ZNF462: variants seen among roughly 807,000 people sequenced by gnomAD.
The protein encoded by ZNF462 is zinc finger PBX1-interacting protein.
In ZNF462, 10 loss-of-function variants were observed where a neutral mutation model predicts 201.9. The observed-to-expected ratio is 0.05, with a 90% CI of 0.03 to 0.08. The LOEUF is 0.08. Ranked by LOEUF, ZNF462 falls within the 10% of genes least tolerant of loss-of-function variation. The pLI is 1.00. For synonymous variants in ZNF462, 1,227 were observed against 1,193.3 expected (o/e 1.03, Z -0.58); for missense variants, 2,523 against 3,168.3 (o/e 0.80, Z 4.89).
chr9:106,955,650 C>T (rs958683511), intron 7 of ZNF462, among the ~76,000 whole-genome samples: 10 of 152,182 alleles, frequency 6.6e-5, no homozygotes, highest in African/African-American at 2.4e-4. Flanking sequence ...ATTTTACCCA[C>T]AGTAGAACTT....
chr9:106,873,750 G>A (rs1324996846), intron 1 of ZNF462, among the ~76,000 whole-genome samples: 1 of 152,170 alleles, frequency 6.6e-6, no homozygotes, highest in Admixed American at 6.5e-5. Flanking sequence ...GAGCACAAAT[G>A]TCCCTAATAG....
chr9:106,937,974 A>G (rs1564118076), intron 6 of ZNF462, among the ~76,000 whole-genome samples: 2 of 152,192 alleles, frequency 1.3e-5, no homozygotes, highest in African/African-American at 2.4e-5. Flanking sequence ...TTCTAAGTCT[A>G]TTGTTCTTAA....
intron 10 of ZNF462, among the ~76,000 whole-genome samples, chr9:106,999,510 AAT>A (rs1263790730): frequency 6.6e-6 from 1 of 152,196 alleles, no homozygotes; most frequent in Non-Finnish European, 1.5e-5. Context: ...TACGGGAATG[AAT>A]AGTCAAGTAA....
chr9:106,879,175 C>T (rs1303508689), intron 1 of ZNF462, among the ~76,000 whole-genome samples: 3 of 152,110 alleles, frequency 2.0e-5, no homozygotes, highest in African/African-American at 4.8e-5. Flanking sequence ...CTGTTACCAC[C>T]GCTGTGACGC....
intron 1 of ZNF462, among the ~76,000 whole-genome samples, chr9:106,908,902 CATATATACATATATAT>C (rs1321438202): frequency 1.3e-3 from 103 of 77,198 alleles, no homozygotes; most frequent in South Asian, 4.8e-3. Context: ...AATATTTGCC[CATATATACATATATAT>C]ATATATATAT....
intron 1 of ZNF462, among the ~76,000 whole-genome samples, chr9:106,864,092 CTCTCTCT>C (rs1827203940): frequency 7.6e-6 from 1 of 131,104 alleles, no homozygotes; most frequent in East Asian, 2.2e-4. Flanking sequence ...CTCTCTCTCT[CTCTCTCT>C]CTCTCTCTCT....
At position 107,012,100 on chromosome 9, in the gene ZNF462, ACTTT is replaced by A. The variant is rs1229503804; in HGVS notation, c.*1075_*1078del. 2 of 131,762 alleles carry A rather than the reference ACTTT, an allele frequency of 1.5e-5. No individual in the cohort carries two copies. The highest frequency in any genetic ancestry group is 6.0e-5 in the African/African-American group (2 of 33,138). 8.2% of individuals were successfully genotyped at this position (131,762 alleles called of 1,614,324 possible). On this transcript the variant is annotated 3_prime_UTR_variant, in exon 13 of 13. Coordinates refer to ENST00000277225, the MANE Select transcript of ZNF462 (RefSeq NM_021224.6). The stretch of plus-strand genomic sequence containing the variant: ...AAACATGGAAATAACAAAGAAGTTA[ACTTT>A]CTTTTTTTTTTTTTTTTTTTTTTTT...
chr9:106,974,980 T>TA lies in ZNF462; in HGVS notation c.6832+708dup, dbSNP rs1409538358. On this transcript the variant is annotated intron_variant, in intron 9 of 12. Coordinates refer to ENST00000277225, the MANE Select transcript of ZNF462 (RefSeq NM_021224.6). The surrounding 1 kb of genome is among the most constrained non-coding windows in gnomAD (Gnocchi z 4.0). Reference sequence around the variant, plus strand: ...GTTGGTTCCTGCTGATAAACAGTGATACTTCTTTTAAGTCCACTTCGGTCT... The same window carrying TA: ...GTTGGTTCCTGCTGATAAACAGTGATAACTTCTTTTAAGTCCACTTCGGTCT... 1 of 152,246 alleles carries TA rather than the reference T, an allele frequency of 6.6e-6. No individual in the cohort carries two copies. The allele number at this position is 152,246 out of a possible 1,614,324, so 9.4% of individuals were successfully genotyped here.
At position 107,005,899 on chromosome 9, in the gene ZNF462, G is replaced by C. The variant is rs574858817; in HGVS notation, c.7189+2473G>C. 3.0e-4 allele frequency among the ~76,000 whole-genome samples: 46 copies of C among 152,264 alleles called. No individual in the cohort carries two copies. The highest frequency in any genetic ancestry group is 1.1e-3 in the African/African-American group (44 of 41,562). ...AGGATCTAATTTCATTCTTCTGCATGTGGATATCCACCTGTTCCAATACCA... is the reference window on the plus strand; with the variant it reads ...AGGATCTAATTTCATTCTTCTGCATCTGGATATCCACCTGTTCCAATACCA... On this transcript the variant is annotated intron_variant, in intron 11 of 12. Coordinates refer to ENST00000277225, the MANE Select transcript of ZNF462 (RefSeq NM_021224.6). This position sits in a 1 kb window ranked among gnomAD's most constrained non-coding sequence, Gnocchi z 4.4.
chr9:106,870,510 A>C lies in ZNF462; in HGVS notation c.-31+7155A>C, dbSNP rs1278969621. 6.6e-6 allele frequency among the ~76,000 whole-genome samples: 1 copy of C among 152,230 alleles called. No individual in the cohort carries two copies. Among genetic ancestry groups the C allele is most frequent in the Non-Finnish European group, 1.5e-5 (1 of 68,046 alleles). Reference sequence around the variant, plus strand: ...TGACAGGTACTTATTTGTTCAAAAAATAAATACTTGAAGATGAGAACTGTG... The same window carrying C: ...TGACAGGTACTTATTTGTTCAAAAACTAAATACTTGAAGATGAGAACTGTG... On this transcript the variant is annotated intron_variant, in intron 1 of 12. Coordinates refer to ENST00000277225, the MANE Select transcript of ZNF462 (RefSeq NM_021224.6). This position sits in a 1 kb window ranked among gnomAD's most constrained non-coding sequence, Gnocchi z 4.3.
chr9:106,982,003 C>T (rs1827470005), intron 9 of ZNF462, among the ~76,000 whole-genome samples: 1 of 152,168 alleles, frequency 6.6e-6, no homozygotes. Context: ...GGGATGCAGT[C>T]CCAAGGAAGA....
At position 106,923,796 on chromosome 9, in the gene ZNF462, A is replaced by G. The variant is rs1830079948; in HGVS notation, c.220+193A>G. 6.6e-6 allele frequency among the ~76,000 whole-genome samples: 1 copy of G among 152,130 alleles called. No individual in the cohort carries two copies. Among genetic ancestry groups the G allele is most frequent in the African/African-American group, 2.4e-5 (1 of 41,428 alleles). ...TTTATCCTTTCGAAAGCTTCCTCAT[A>G]TATCCTACCTTTCAATTTGGAGAAC... On this transcript the variant is annotated intron_variant, in intron 2 of 12. Coordinates refer to ENST00000277225, the MANE Select transcript of ZNF462 (RefSeq NM_021224.6). The surrounding 1 kb of genome is among the most constrained non-coding windows in gnomAD (Gnocchi z 5.6).
Position 106,932,168 on chromosome 9 carries a change from T to G in ZNF462, c.6013-278T>G. On this transcript the variant is annotated intron_variant, in intron 4 of 12. Coordinates refer to ENST00000277225, the MANE Select transcript of ZNF462 (RefSeq NM_021224.6). This position sits in a 1 kb window ranked among gnomAD's most constrained non-coding sequence, Gnocchi z 6.8. ...AGCTTTGACAAGAAGTGCTGTTGAGTTTGGGAGAATGTAGGGAGAAAAAGA... is the reference window on the plus strand; with the variant it reads ...AGCTTTGACAAGAAGTGCTGTTGAGGTTGGGAGAATGTAGGGAGAAAAAGA... The G allele has an allele frequency of 6.7e-7, 1 of 1,497,546 alleles. No homozygotes were observed. The highest frequency in any genetic ancestry group is 1.4e-5 in the African/African-American group (1 of 72,090). The allele number at this position is 1,497,546 out of a possible 1,614,324, so 92.8% of individuals were successfully genotyped here.
chr9:106,974,435 G>T lies in ZNF462; in HGVS notation c.6832+162G>T. 9.5e-7 allele frequency: 1 copy of T among 1,051,702 alleles called. No individual in the cohort carries two copies. The highest frequency in any genetic ancestry group is 1.5e-6 in the Non-Finnish European group (1 of 682,714). 65.1% of individuals were successfully genotyped at this position (1,051,702 alleles called of 1,614,324 possible). A position where few individuals can be genotyped will look rare whatever the true frequency, so the allele number is the denominator to read the frequency against. ...GATAACCACAGTGACAGCCAAAAGG[G>T]CAAAAACACCTTCCTGCTGGGAGTA... On this transcript the variant is annotated intron_variant, in intron 9 of 12. Coordinates refer to ENST00000277225, the MANE Select transcript of ZNF462 (RefSeq NM_021224.6). The surrounding 1 kb of genome is among the most constrained non-coding windows in gnomAD (Gnocchi z 4.0).
In ZNF462 at chr9:106,970,437, C is replaced by T. The variant is rs569522101; in HGVS notation, c.6428-1568C>T. ...GCTGCTCTGCTTTTGTTTTCCTGTT[C>T]GAAGAGGCTGACGGGATGGATGGTG... On this transcript the variant is annotated intron_variant, in intron 7 of 12. Coordinates refer to ENST00000277225, the MANE Select transcript of ZNF462 (RefSeq NM_021224.6). The surrounding 1 kb of genome is among the most constrained non-coding windows in gnomAD (Gnocchi z 4.2). 6.6e-6 allele frequency among the ~76,000 whole-genome samples: 1 copy of T among 152,066 alleles called. No homozygotes were observed. Among genetic ancestry groups the T allele is most frequent in the Non-Finnish European group, 1.5e-5 (1 of 68,024 alleles).
rs1829251149 is a variant in ZNF462 at position 106,905,895 on chromosome 9, G to A, written c.-30-17459G>A. Among the ~76,000 whole-genome samples the A allele has an allele frequency of 6.6e-6, 1 of 151,940 alleles. No homozygotes were observed. On this transcript the variant is annotated intron_variant, in intron 1 of 12. Coordinates refer to ENST00000277225, the MANE Select transcript of ZNF462 (RefSeq NM_021224.6). This position sits in a 1 kb window ranked among gnomAD's most constrained non-coding sequence, Gnocchi z 5.9. ...TGCACGCCGGATTTATGCCCTCCCC[G>A]GAGTTCTGGCCAGGAGGCTTCTCAC...
intron 1 of ZNF462, among the ~76,000 whole-genome samples, chr9:106,918,635 T>G (rs1270338884): frequency 1.3e-5 from 2 of 152,208 alleles, no homozygotes; most frequent in Admixed American, 6.5e-5. Flanking sequence ...AAAAATCATT[T>G]TTCATCTTAA....
chr9:106,867,355 T>G (rs989847366), intron 1 of ZNF462, among the ~76,000 whole-genome samples: 2 of 152,316 alleles, frequency 1.3e-5, no homozygotes, highest in Middle Eastern at 3.4e-3. Flanking sequence ...TGTGGCTTAT[T>G]ATGCAAATTT....
Position 107,003,363 on chromosome 9 carries a change from G to A in ZNF462, c.7126G>A (p.Glu2376Lys), listed in dbSNP as rs1331249136. ...DQLEQMKEKM[E>K]SSSSDDEDKE... is the part of the protein sequence containing the mutation. ...GCTGGAACAGATGAAGGAGAAAATG[G>A]AGAGCTCCAGCAGCGATGATGAGGA... The change falls in exon 11 of 13, where the codon GAG becomes AAG. Residue 2376 changes from glutamate to lysine, a missense_variant. By Grantham distance (56) the Glu-to-Lys change is moderately conservative. Around this residue, in one of 15 missense-constraint regions of ZNF462, gnomAD observed 228 missense variants for 361.2 expected, o/e 0.63. Coordinates refer to ENST00000277225, the MANE Select transcript of ZNF462 (RefSeq NM_021224.6). The surrounding 1 kb of genome is among the most constrained non-coding windows in gnomAD (Gnocchi z 4.4). 6.2e-7 allele frequency: 1 copy of A among 1,613,954 alleles called. No homozygotes were observed. The highest frequency in any genetic ancestry group is 8.5e-7 in the Non-Finnish European group (1 of 1,179,878).
Sources: allele counts gnomAD v4.1 joint callset (sites outside exome capture counted in the v4.1 genomes callset), GRCh38; gene constraint gnomAD v4.1.1; regional missense constraint gnomAD v4.1.1; non-coding constraint Gnocchi (gnomAD v3.1); transcripts MANE v1.5; gene names NCBI Gene and HGNC (gene_info 2026-07-23, HGNC 2026-07-21).